Variants in LNPEP observed in about 807,000 individuals in gnomAD.
LNPEP encodes the protein leucyl-cystinyl aminopeptidase.
In LNPEP, 64 loss-of-function variants were observed where a neutral mutation model predicts 120.6. The observed-to-expected ratio is 0.53, with a 90% CI of 0.43 to 0.65. The LOEUF (loss-of-function observed/expected upper bound fraction) is 0.65. LNPEP is among the 30% of genes least tolerant of loss of function. The pLI is 0.00. For synonymous variants in LNPEP, 435 were observed against 425.4 expected (o/e 1.02, Z -0.28); for missense variants, 1,057 against 1,200.0 (o/e 0.88, Z 1.76).
chr5:97,012,144 TTGAAA>T (rs1159525692), intron 11 of LNPEP, among the ~76,000 whole-genome samples: 36 of 152,132 alleles, frequency 2.4e-4, no homozygotes, highest in African/African-American at 7.7e-4. Context: ...TTGGATAAAC[TTGAAA>T]TGAAATATTA....
At chr5:96,976,873 C>CG (rs1315084356) in intron 1 of LNPEP, among the ~76,000 whole-genome samples, 1 of 151,758 alleles carries the variant, frequency 6.6e-6, no homozygotes, top group Admixed American at 6.6e-5. Context: ...AATATTTGCT[C>CG]TGTTAATGAA....
chr5:96,983,868 AT>A (rs1389014110), intron 2 of LNPEP, among the ~76,000 whole-genome samples: 2 of 152,078 alleles, frequency 1.3e-5, no homozygotes, highest in African/African-American at 2.4e-5. Flanking sequence ...AGGACACCTA[AT>A]TTTTTCAATC....
chr5:96,954,973 G>A (rs1396856618), intron 1 of LNPEP, among the ~76,000 whole-genome samples: 5 of 148,864 alleles, frequency 3.4e-5, no homozygotes, highest in East Asian at 2.0e-4. Flanking sequence ...TAGTAGAGAC[G>A]GGGTTTCACC....
intron 11 of LNPEP, among the ~76,000 whole-genome samples, chr5:97,008,315 A>G (rs1424987070): frequency 3.2e-5 from 3 of 94,278 alleles, no homozygotes; most frequent in Admixed American, 1.9e-4. Context: ...TCATTGGTTG[A>G]TTTTTTTGTT....
chr5:97,015,221 T>C (rs1272750340), intron 13 of LNPEP, 126 bp downstream of exon 13: 42 of 553,054 alleles, frequency 7.6e-5, no homozygotes, highest in Non-Finnish European at 9.6e-5. Flanking sequence ...CTTTCCTGCT[T>C]GTGAAATCTT....
chr5:97,016,587 G>A (rs565258485), intron 13 of LNPEP, among the ~76,000 whole-genome samples: 15 of 152,164 alleles, frequency 9.9e-5, no homozygotes, highest in South Asian at 4.1e-4. Flanking sequence ...TAGCAACGTC[G>A]TCTTTCCAGG....
rs997447696 is a variant in LNPEP at position 97,037,043 on chromosome 5, G to A, written c.*8510G>A. On this transcript the variant is annotated 3_prime_UTR_variant, in exon 18 of 18. Transcript: ENST00000231368. Reference sequence around the variant, plus strand: ...ACAATAATACGCTGTGTATGTATGTGTATATAAAATGAGAATTATGGCATA... The same window carrying A: ...ACAATAATACGCTGTGTATGTATGTATATATAAAATGAGAATTATGGCATA... 6.6e-5 allele frequency: 10 copies of A among 152,122 alleles called. No individual in the cohort carries two copies. The highest frequency in any genetic ancestry group is 2.4e-4 in the African/African-American group (10 of 41,432). The allele number at this position is 152,122 out of a possible 1,614,324, so 9.4% of individuals were successfully genotyped here.
chr5:96,975,575 A>C (rs1581996776), intron 1 of LNPEP, among the ~76,000 whole-genome samples: 1 of 152,160 alleles, frequency 6.6e-6, no homozygotes, highest in East Asian at 1.9e-4. Context: ...ACTGCTTCTC[A>C]CATTATCTGA....
At chr5:96,952,406 C>T (rs1159824371) in intron 1 of LNPEP, among the ~76,000 whole-genome samples, 1 of 152,150 alleles carries the variant, frequency 6.6e-6, no homozygotes, top group Non-Finnish European at 1.5e-5. Flanking sequence ...GCAAGGGTAT[C>T]AGGGATTTCT....
At chr5:97,005,007 A>G (rs139979776) in intron 9 of LNPEP, among the ~76,000 whole-genome samples, 23 of 152,266 alleles carry the variant, frequency 1.5e-4, no homozygotes, top group African/African-American at 5.3e-4. Flanking sequence ...ACATCAAATT[A>G]TGCATTGGCC....
chr5:96,948,712 C>T (rs1236440710), intron 1 of LNPEP, among the ~76,000 whole-genome samples: 2 of 152,188 alleles, frequency 1.3e-5, no homozygotes, highest in Non-Finnish European at 2.9e-5. Flanking sequence ...TACAGACTAG[C>T]ATCCTCTCCA....
At chr5:96,970,619 G>T (rs369965467) in intron 1 of LNPEP, among the ~76,000 whole-genome samples, 1 of 145,080 alleles carries the variant, frequency 6.9e-6, no homozygotes, top group African/African-American at 2.5e-5. Context: ...CATTTTTTTT[G>T]GATTAAGTGG....
In LNPEP at chr5:96,996,504, G is replaced by A. The variant is rs1790520269; in HGVS notation, c.1521+1G>A. The A allele has an allele frequency of 6.8e-7, 1 of 1,468,396 alleles. No individual in the cohort carries two copies. Among genetic ancestry groups the A allele is most frequent in the Non-Finnish European group, 9.5e-7 (1 of 1,048,286 alleles). The allele number at this position is 1,468,396 out of a possible 1,614,324, so 91.0% of individuals were successfully genotyped here. On this transcript the variant is annotated splice_donor_variant, in intron 7 of 17. Coordinates refer to ENST00000231368, the MANE Select transcript of LNPEP (RefSeq NM_005575.3). LOFTEE classifies it high-confidence loss of function. Reference sequence around the variant, plus strand: ...AAAAATATTCAAAGAGCTTTCTAGTGTAAGTACAGGGTTTCTTTGGCCTAC... The same window carrying A: ...AAAAATATTCAAAGAGCTTTCTAGTATAAGTACAGGGTTTCTTTGGCCTAC...
intron 1 of LNPEP, among the ~76,000 whole-genome samples, chr5:96,945,214 TAGTG>T (rs1192352461): frequency 1.3e-5 from 2 of 150,790 alleles, no homozygotes; most frequent in Non-Finnish European, 1.5e-5. Context: ...CTGGGCAACA[TAGTG>T]AGAGCCTGTC....
intron 1 of LNPEP, among the ~76,000 whole-genome samples, chr5:96,957,522 G>A (rs1269428809): frequency 6.6e-6 from 1 of 152,158 alleles, no homozygotes; most frequent in Non-Finnish European, 1.5e-5. Flanking sequence ...TAGGCCCAGT[G>A]TAGTCATAAG....
At chr5:96,950,107 A>G (rs536012344) in intron 1 of LNPEP, among the ~76,000 whole-genome samples, 53 of 152,354 alleles carry the variant, frequency 3.5e-4, no homozygotes, top group African/African-American at 1.2e-3. Flanking sequence ...TATGCTTTGT[A>G]CAGAGAAGAC....
chr5:96,956,045 A>G (rs1447299391), intron 1 of LNPEP, among the ~76,000 whole-genome samples: 1 of 152,226 alleles, frequency 6.6e-6, no homozygotes, highest in East Asian at 1.9e-4. Flanking sequence ...GTGTAGGGAC[A>G]AGGAGAAGTG....
chr5:97,023,806 A>G (rs1791272304), intron 14 of LNPEP, among the ~76,000 whole-genome samples: 1 of 152,142 alleles, frequency 6.6e-6, no homozygotes, highest in Admixed American at 6.6e-5. Flanking sequence ...GAACTGCCAT[A>G]TTGTTTTCTA....
At chr5:96,988,390 T>C (rs74644783) in intron 4 of LNPEP, among the ~76,000 whole-genome samples, 3,483 of 140,816 alleles carry the variant, frequency 0.025, 52 homozygotes, top group Non-Finnish European at 0.036. Context: ...TGGGGTGGAG[T>C]ACAAGTGGCA....
Sources: allele counts gnomAD v4.1 joint callset (sites outside exome capture counted in the v4.1 genomes callset), GRCh38; gene constraint gnomAD v4.1.1; transcripts MANE v1.5; gene names NCBI Gene and HGNC (gene_info 2026-07-23, HGNC 2026-07-21).